TARBP1: variants seen among roughly 807,000 people sequenced by gnomAD.
TARBP1 encodes the protein tRNA (guanosine(18)-2'-O)-methyltransferase TARBP1.
TARBP1 carries 144 observed loss-of-function variants against 178.6 expected under a neutral mutation model. That is an observed-to-expected ratio of 0.81 (90% CI 0.70 to 0.93). The LOEUF is 0.93. TARBP1 is among the 40% of genes least tolerant of loss of function. TARBP1 has a pLI of 0.00. For missense variants in TARBP1, 2,067 were observed against 2,011.7 expected (o/e 1.03, Z -0.53); for synonymous variants, 787 against 781.0 (o/e 1.01, Z -0.13).
intron 12 of TARBP1, among the ~76,000 whole-genome samples, chr1:234,442,968 T>C (rs928036847): frequency 3.9e-5 from 6 of 152,114 alleles, no homozygotes; most frequent in Admixed American, 6.5e-5. Flanking sequence ...ATATACAAAC[T>C]GTGGGCAAAA....
chr1:234,423,908 A>G (rs1663402481), intron 20 of TARBP1, among the ~76,000 whole-genome samples: 1 of 151,988 alleles, frequency 6.6e-6, no homozygotes, highest in South Asian at 2.1e-4. Flanking sequence ...TTATCTAAAT[A>G]GCTAAATATA....
chr1:234,474,151 A>T (rs372903279), intron 1 of TARBP1, among the ~76,000 whole-genome samples: 1 of 151,840 alleles, frequency 6.6e-6, no homozygotes, highest in Non-Finnish European at 1.5e-5. Flanking sequence ...GGCTGAGATG[A>T]GAGGATCACT....
At chr1:234,475,757 C>T (rs12142989) in intron 1 of TARBP1, among the ~76,000 whole-genome samples, 8,690 of 152,332 alleles carry the variant, frequency 0.057, 463 homozygotes, top group African/African-American at 0.13. Context: ...CAGTCTACCC[C>T]TGAGGGAGGG....
chr1:234,416,807 G>GT (rs2103083418), intron 22 of TARBP1, among the ~76,000 whole-genome samples: 1 of 152,254 alleles, frequency 6.6e-6, no homozygotes, highest in African/African-American at 2.4e-5. Flanking sequence ...TACCAGTTTA[G>GT]TTTAACACAG....
In TARBP1 at chr1:234,457,736, A is replaced by T; in HGVS notation, c.1653T>A (p.Asp551Glu). ...TCAGAGACATGAGAAAAGTTGAGAC[A>T]TCAGAAAGTGACACTTTCTCCTGGG... ...LLDVEKVSLS[D>E]VSTFLMSLRQ... is the part of the protein sequence containing the mutation. The change falls in exon 9 of 30, where the codon GAT (aspartate) becomes GAA (glutamate). Residue 551 changes from aspartate to glutamate, a missense_variant. Transcript: ENST00000040877. The T allele has an allele frequency of 1.9e-6, 3 of 1,609,860 alleles. No homozygotes were observed. The highest frequency in any genetic ancestry group is 2.5e-6 in the Non-Finnish European group (3 of 1,177,300).
chr1:234,407,281 G>A (rs770198563), intron 23 of TARBP1: 6 of 151,802 alleles, frequency 4.0e-5, no homozygotes, highest in African/African-American at 4.8e-5. Flanking sequence ...CCTCCCTCAG[G>A]GCAGAGCTTC....
intron 20 of TARBP1, among the ~76,000 whole-genome samples, chr1:234,423,292 T>C (rs1301717150): frequency 6.6e-6 from 1 of 152,204 alleles, no homozygotes; most frequent in Admixed American, 6.5e-5. Flanking sequence ...GGCTAGTATT[T>C]TGCCTATGTG....
At chr1:234,400,233 C>T (rs1424099935) in intron 25 of TARBP1, 1 of 152,042 alleles carries the variant, frequency 6.6e-6, no homozygotes, top group Non-Finnish European at 1.5e-5. Flanking sequence ...GGACTTACTC[C>T]TGTTGGAAGA....
chr1:234,450,356 C>A, intron 10 of TARBP1, 72 bp downstream of exon 10: 1 of 1,260,722 alleles, frequency 7.9e-7, no homozygotes. Flanking sequence ...AACTCTCAGT[C>A]TGAAAAACTA....
chr1:234,412,937 C>T (rs1033999328), intron 22 of TARBP1, among the ~76,000 whole-genome samples: 8 of 152,148 alleles, frequency 5.3e-5, no homozygotes, highest in Admixed American at 2.0e-4. Flanking sequence ...CATTAGCAAG[C>T]CTGATGCATC....
chr1:234,416,467 CTGTATTT>C (rs1662426604), intron 22 of TARBP1, among the ~76,000 whole-genome samples: 1 of 151,964 alleles, frequency 6.6e-6, no homozygotes, highest in South Asian at 2.1e-4. Flanking sequence ...TGGCTAATTT[CTGTATTT>C]TTAGTAGAGA....
chr1:234,472,143 C>T (rs1204838445), intron 2 of TARBP1, among the ~76,000 whole-genome samples: 1 of 152,046 alleles, frequency 6.6e-6, no homozygotes, highest in Admixed American at 6.6e-5. Context: ...GCAAGACCAG[C>T]CTGGCCAACA....
intron 12 of TARBP1, among the ~76,000 whole-genome samples, chr1:234,444,694 TA>T (rs5781785): frequency 0.3 from 45,342 of 148,782 alleles, 6,998 homozygotes; most frequent in Admixed American, 0.41. Flanking sequence ...CCTCTTTCCT[TA>T]AAAAAAAAAC....
At position 234,460,212 on chromosome 1, in the gene TARBP1, G is replaced by A. The variant is rs1298544847; in HGVS notation, c.1535+49C>T. On this transcript the variant is annotated intron_variant, in intron 7 of 29. Transcript: ENST00000040877. ...CAGAGGAGAAAATATATATATTGAT[G>A]GAAAGTCATGGCAAATAACCATACA... is the stretch of plus-strand genomic sequence containing the variant. The A allele has an allele frequency of 2.6e-6, 4 of 1,548,848 alleles. No individual in the cohort carries two copies. In the South Asian group the frequency reaches 5.1e-5, roughly 20 times the overall value.
In TARBP1 at chr1:234,470,649, C is replaced by T. The variant is rs540790280; in HGVS notation, c.1099+539G>A. On this transcript the variant is annotated intron_variant, in intron 3 of 29. Transcript: ENST00000040877. ...TTTTTTTTTTTGAGACGGAGTCTTG[C>T]TCTGTCACCAGCCTGGAGTGCAGCA... Among the ~76,000 whole-genome samples, 43 of 104,640 alleles carry T rather than the reference C, an allele frequency of 4.1e-4. 1 individual carries two copies. The East Asian group carries it at 0.046, about 113-fold the overall frequency. The allele number at this position is 104,640 out of a possible 152,430, so 68.6% of individuals were successfully genotyped here.
intron 16 of TARBP1, 30 bp from the exon 17 acceptor site, chr1:234,429,354 T>C (rs1664144521): frequency 6.4e-7 from 1 of 1,567,450 alleles, no homozygotes; most frequent in Non-Finnish European, 8.6e-7. Flanking sequence ...TACATACTTA[T>C]TTCAAAAACT....
intron 2 of TARBP1, among the ~76,000 whole-genome samples, chr1:234,472,099 G>A (rs551800872): frequency 6.6e-6 from 1 of 152,272 alleles, no homozygotes; most frequent in Non-Finnish European, 1.5e-5. Flanking sequence ...CACTTTGGGA[G>A]GCCAAGGCGG....
chr1:234,401,411 C>T, intron 24 of TARBP1, 149 bp from the exon 25 acceptor site: 2 of 587,566 alleles, frequency 3.4e-6, no homozygotes, highest in Non-Finnish European at 3.0e-6. Flanking sequence ...ACACACCTCT[C>T]CAAGATCAAT....
chr1:234,398,753 G>C (rs572043337), intron 25 of TARBP1, among the ~76,000 whole-genome samples, 200 bp from the exon 26 acceptor site: 8 of 152,158 alleles, frequency 5.3e-5, no homozygotes, highest in African/African-American at 1.9e-4. Flanking sequence ...ATTAATTTAG[G>C]AAACCCCTGA....
Sources: allele counts gnomAD v4.1 joint callset (sites outside exome capture counted in the v4.1 genomes callset), GRCh38; gene constraint gnomAD v4.1.1; transcripts MANE v1.5; gene names NCBI Gene and HGNC (gene_info 2026-07-23, HGNC 2026-07-21).